Variants in MS4A4A observed in about 807,000 individuals in gnomAD.
The protein encoded by MS4A4A is membrane-spanning 4-domains subfamily A member 4A.
A neutral mutation model predicts 28.0 loss-of-function variants in MS4A4A; 26 were observed. The observed-to-expected ratio is 0.93, with a 90% CI of 0.68 to 1.29. MS4A4A has a LOEUF of 1.29. MS4A4A is among the 50% of genes most tolerant of loss of function. MS4A4A has a pLI of 0.00. For synonymous variants in MS4A4A, 86 were observed against 100.8 expected, an observed-to-expected ratio of 0.85 and a Z score of 0.88; for missense variants, 290 against 293.1, an observed-to-expected ratio of 0.99 and a Z score of 0.08.
At chr11:60,288,775 A>G (rs1168989922) in intron 1 of MS4A4A, among the ~76,000 whole-genome samples, 1 of 152,114 alleles carries the variant, frequency 6.6e-6, no homozygotes, top group Non-Finnish European at 1.5e-5. Flanking sequence ...GGGTTTCTTG[A>G]AGCAGTATAG....
Position 60,297,326 on chromosome 11 carries a change from G to C in MS4A4A, c.330+1G>C. 6.2e-7 allele frequency: 1 copy of C among 1,612,928 alleles called. No individual in the cohort carries two copies. Among genetic ancestry groups the C allele is most frequent in the Non-Finnish European group, 8.5e-7 (1 of 1,179,240 alleles). On this transcript the variant is annotated splice_donor_variant, in intron 3 of 6. Coordinates refer to ENST00000337908, the MANE Select transcript of MS4A4A (RefSeq NM_148975.3). LOFTEE classifies it high-confidence loss of function. ...GTACACAATTTGGGGGTCAGTAATG[G>C]TGAGTAGAGTATCTTTTGATATAAT...
At chr11:60,291,475 G>A (rs1204323188) in intron 1 of MS4A4A, among the ~76,000 whole-genome samples, 1 of 152,182 alleles carries the variant, frequency 6.6e-6, no homozygotes, top group Non-Finnish European at 1.5e-5. Context: ...TTGGAAGGCA[G>A]ATTAGTTTGT....
intron 1 of MS4A4A, among the ~76,000 whole-genome samples, chr11:60,281,129 A>G (rs1384807769): frequency 6.6e-6 from 1 of 152,160 alleles, no homozygotes; most frequent in African/African-American, 2.4e-5. Flanking sequence ...GGATTTAAGA[A>G]CAGATGTATC....
intron 3 of MS4A4A, among the ~76,000 whole-genome samples, chr11:60,298,578 C>G (rs1010296579): frequency 7.2e-5 from 11 of 152,170 alleles, no homozygotes; most frequent in Non-Finnish European, 1.2e-4. Context: ...GGTTAAGTAA[C>G]TAACCCAACA....
chr11:60,302,520 T>C (rs774421072), intron 4 of MS4A4A, 39 bp from the exon 5 acceptor site: 25 of 1,599,418 alleles, frequency 1.6e-5, no homozygotes, highest in Non-Finnish European at 2.1e-5. Flanking sequence ...TATCTGAGGA[T>C]GTTGTTGGAT....
chr11:60,297,136 G>A (rs73487295), intron 2 of MS4A4A, 61 bp from the exon 3 acceptor site: 1 of 1,597,016 alleles, frequency 6.3e-7, no homozygotes, highest in South Asian at 1.1e-5. Context: ...TTGGAAAGGG[G>A]GTGGCGGAAG....
intron 2 of MS4A4A, among the ~76,000 whole-genome samples, chr11:60,295,216 A>G (rs1422155701): frequency 6.6e-6 from 1 of 152,034 alleles, no homozygotes; most frequent in African/African-American, 2.4e-5. Flanking sequence ...AATGCCAAAT[A>G]CCAATACCTA....
At chr11:60,306,522 C>T (rs1317544106) in intron 6 of MS4A4A, among the ~76,000 whole-genome samples, 1 of 152,178 alleles carries the variant, frequency 6.6e-6, no homozygotes, top group Non-Finnish European at 1.5e-5. Flanking sequence ...TGCTTTAATC[C>T]TCTCACAAAG....
chr11:60,289,872 A>T (rs371458191), intron 1 of MS4A4A, among the ~76,000 whole-genome samples: 2 of 152,152 alleles, frequency 1.3e-5, no homozygotes, highest in South Asian at 2.1e-4. Flanking sequence ...TTCTGTCAAC[A>T]CTATTTTGTA....
At chr11:60,293,966 A>G (rs1285881813) in intron 2 of MS4A4A, among the ~76,000 whole-genome samples, 2 of 152,156 alleles carry the variant, frequency 1.3e-5, no homozygotes, top group Non-Finnish European at 2.9e-5. Context: ...AAGTTTTTCA[A>G]CTCATTTGGT....
intron 6 of MS4A4A, 31 bp downstream of exon 6, chr11:60,306,232 G>T (rs1298865962): frequency 6.6e-7 from 1 of 1,503,792 alleles, no homozygotes; most frequent in East Asian, 2.3e-5. Flanking sequence ...GAAGATGACT[G>T]TATTAGTTTT....
At chr11:60,295,067 G>T (rs1181347533) in intron 2 of MS4A4A, among the ~76,000 whole-genome samples, 1 of 151,882 alleles carries the variant, frequency 6.6e-6, no homozygotes, top group East Asian at 1.9e-4. Context: ...TAAATCTACT[G>T]ATCAAGTTGG....
At chr11:60,305,794 A>T (rs1590763121) in intron 5 of MS4A4A, 1 of 285,638 alleles carries the variant, frequency 3.5e-6, no homozygotes, top group East Asian at 7.6e-5. Context: ...AGTACTCAAT[A>T]GGATATGATG....
At chr11:60,303,953 C>A (rs2084976057) in intron 5 of MS4A4A, among the ~76,000 whole-genome samples, 1 of 152,174 alleles carries the variant, frequency 6.6e-6, no homozygotes, top group African/African-American at 2.4e-5. Flanking sequence ...ACCAAAATAA[C>A]CCCTTGAGGT....
At chr11:60,290,138 T>G (rs755164852) in intron 1 of MS4A4A, 26 of 438,332 alleles carry the variant, frequency 5.9e-5, no homozygotes, top group Admixed American at 1.7e-4. Flanking sequence ...TGTGTCTTTT[T>G]GGTGATTTCT....
In MS4A4A at chr11:60,308,264, C is replaced by A; in HGVS notation, c.*86C>A. On this transcript the variant is annotated 3_prime_UTR_variant, in exon 7 of 7. Coordinates refer to ENST00000337908, the MANE Select transcript of MS4A4A (RefSeq NM_148975.3). Reference sequence around the variant, plus strand: ...CCTCACATGAGAAATTACCAGTATCCAACTTCGATACTGATAGACTTGTTG... The same window carrying A: ...CCTCACATGAGAAATTACCAGTATCAAACTTCGATACTGATAGACTTGTTG... 8.3e-7 allele frequency: 1 copy of A among 1,201,302 alleles called. No homozygotes were observed. Among genetic ancestry groups the A allele is most frequent in the Non-Finnish European group, 1.2e-6 (1 of 811,156 alleles). 74.4% of individuals were successfully genotyped at this position (1,201,302 alleles called of 1,614,324 possible).
intron 1 of MS4A4A, among the ~76,000 whole-genome samples, chr11:60,289,414 G>T (rs1183748259): frequency 1.3e-5 from 2 of 152,142 alleles, no homozygotes; most frequent in African/African-American, 4.8e-5. Context: ...TGTCCTAACT[G>T]GGGGAAGGGG....
chr11:60,301,072 C>CT lies in MS4A4A; in HGVS notation c.387+22dup, dbSNP rs772993181. ...CAAAAGGCCTGGTGAGTAATATTTT[C>CT]TTTTTTTGGTATCAAAAAAAGGAAG... On this transcript the variant is annotated intron_variant, in intron 4 of 6. Coordinates refer to ENST00000337908, the MANE Select transcript of MS4A4A (RefSeq NM_148975.3). The CT allele has an allele frequency of 3.2e-6, 5 of 1,562,546 alleles. No individual in the cohort carries two copies. Among genetic ancestry groups the CT allele is most frequent in the Admixed American group, 1.9e-5 (1 of 52,814 alleles).
intron 3 of MS4A4A, among the ~76,000 whole-genome samples, chr11:60,300,565 G>C (rs189731263): frequency 0.02 from 2,763 of 136,068 alleles, 40 homozygotes; most frequent in Middle Eastern, 0.042. Flanking sequence ...GCAGTGAGCC[G>C]AGATTGCCCC....
Sources: gnomAD v4.1 joint callset for allele counts (sites outside exome capture counted in the v4.1 genomes callset) on GRCh38, gnomAD v4.1.1 for gene constraint, MANE v1.5 for transcripts, NCBI Gene and HGNC (gene_info 2026-07-23, HGNC 2026-07-21) for gene names.